Variants in RFX7 observed in about 807,000 individuals in gnomAD.
RFX7 encodes DNA-binding protein RFX7.
RFX7 carries 26 observed loss-of-function variants against 111.8 expected under a neutral mutation model. The observed-to-expected ratio is 0.23, with a 90% CI of 0.17 to 0.32. The LOEUF is 0.32. Among genes scored for constraint, RFX7 ranks in the 10% least tolerant of loss-of-function variants. The pLI is 1.00. For missense variants in RFX7, 1,573 were observed against 1,772.9 expected (o/e 0.89, Z 2.02); for synonymous variants, 624 against 624.4 (o/e 1.00, Z 0.01).
chr15:56,189,408 G>A (rs1295423778), intron 2 of RFX7, among the ~76,000 whole-genome samples: 4 of 150,922 alleles, frequency 2.7e-5, no homozygotes, highest in African/African-American at 9.7e-5. Context: ...AGACCCCATC[G>A]AAATAAGAAT....
chr15:56,178,397 T>C (rs2042927447), intron 3 of RFX7, among the ~76,000 whole-genome samples: 1 of 152,094 alleles, frequency 6.6e-6, no homozygotes, highest in Non-Finnish European at 1.5e-5. Context: ...TAAGACATCA[T>C]ACTATTTCAG....
At chr15:56,125,245 G>C (rs1207448550) in intron 5 of RFX7, among the ~76,000 whole-genome samples, 1 of 152,218 alleles carries the variant, frequency 6.6e-6, no homozygotes, top group East Asian at 1.9e-4. Context: ...TGCTGTTTTG[G>C]TTACTACAGC....
chr15:56,113,537 AGCTAATGCAT>A (rs1374761264), intron 5 of RFX7, among the ~76,000 whole-genome samples: 2 of 152,204 alleles, frequency 1.3e-5, no homozygotes, highest in Non-Finnish European at 2.9e-5. Context: ...TAGGACAAAT[AGCTAATGCAT>A]GAGGGGCTTA....
intron 2 of RFX7, among the ~76,000 whole-genome samples, chr15:56,218,956 A>G (rs2043396265): frequency 6.6e-6 from 1 of 152,214 alleles, no homozygotes; most frequent in Non-Finnish European, 1.5e-5. Flanking sequence ...AATGGAAATG[A>G]GTGAAGGAAT....
At chr15:56,166,518 A>G (rs2042783994) in intron 3 of RFX7, among the ~76,000 whole-genome samples, 1 of 152,204 alleles carries the variant, frequency 6.6e-6, no homozygotes, top group South Asian at 2.1e-4. Context: ...AATAATATGT[A>G]AAAAGTAATT....
In RFX7 at chr15:56,243,190, G is replaced by T; in HGVS notation, c.96C>A (p.Ala32=). The T allele has an allele frequency of 1.5e-6, 2 of 1,350,362 alleles. No homozygotes were observed. The highest frequency in any genetic ancestry group is 2.0e-6 in the Non-Finnish European group (2 of 1,014,192). 83.6% of individuals were successfully genotyped at this position (1,350,362 alleles called of 1,614,324 possible). A position where few individuals can be genotyped will look rare whatever the true frequency, so the allele number is the denominator to read the frequency against. Residue 32 remains alanine (A), a synonymous_variant, in exon 2 of 10, where the codon GCC becomes GCA. Transcript: ENST00000559447. ...CTGTCCCTGGCAGCCCGGGCACAAG[G>T]GCTGGCAGGGCCACCCCCGAGTTGG... is the stretch of plus-strand genomic sequence containing the variant. ...SAPNSGVALP[A]LVPGLPGTEA...
chr15:56,160,553 T>TC (rs1381422677), intron 3 of RFX7, among the ~76,000 whole-genome samples: 1 of 151,906 alleles, frequency 6.6e-6, no homozygotes, highest in Non-Finnish European at 1.5e-5. Context: ...TACTAATTTT[T>TC]CCCCCCTCAA....
intron 2 of RFX7, among the ~76,000 whole-genome samples, chr15:56,219,153 A>G (rs2043397903): frequency 6.6e-6 from 1 of 152,154 alleles, no homozygotes; most frequent in Non-Finnish European, 1.5e-5. Flanking sequence ...CTTCATATAC[A>G]TTGACACTCC....
At chr15:56,112,380 A>AAAAAAAAAAAAAAAAAAAAAAAAAAC (rs2041951482) in intron 5 of RFX7, among the ~76,000 whole-genome samples, 1 of 2,776 alleles carries the variant, frequency 3.6e-4, no homozygotes, top group Non-Finnish European at 1.6e-3. Flanking sequence ...AGTACAAATC[A>AAAAAAAAAAAAAAAAAAAAAAAAAAC]AAAAAAAAAA....
intron 2 of RFX7, among the ~76,000 whole-genome samples, chr15:56,193,533 T>A (rs2043119661): frequency 6.6e-6 from 1 of 152,228 alleles, no homozygotes; most frequent in Non-Finnish European, 1.5e-5. Context: ...ACAAAAATTT[T>A]AATTAAATAG....
At chr15:56,125,671 C>A (rs1253605442) in intron 5 of RFX7, among the ~76,000 whole-genome samples, 2 of 149,912 alleles carry the variant, frequency 1.3e-5, no homozygotes, top group Admixed American at 6.7e-5. Flanking sequence ...AATGGGATTA[C>A]TTTCTTGATT....
chr15:56,230,048 T>C (rs2043533124), intron 2 of RFX7, among the ~76,000 whole-genome samples: 1 of 152,104 alleles, frequency 6.6e-6, no homozygotes, highest in Admixed American at 6.5e-5. Flanking sequence ...TCAAACAAGT[T>C]ATCTTAGCCT....
Position 56,094,444 on chromosome 15 carries a change from C to A in RFX7, c.3284G>T (p.Arg1095Met). 1 of 1,613,922 alleles carries A rather than the reference C, an allele frequency of 6.2e-7. No individual in the cohort carries two copies. The highest frequency in any genetic ancestry group is 8.5e-7 in the Non-Finnish European group (1 of 1,179,860). Reference sequence around the variant, plus strand: ...AGGCACAGCAAAAGCATGAGGTTTCCTGAAACGGTCTTCCACTAGTTCCTG... The same window carrying A: ...AGGCACAGCAAAAGCATGAGGTTTCATGAAACGGTCTTCCACTAGTTCCTG... ...SYQELVEDRF[R>M]KPHAFAVPGQ... is the part of the protein sequence containing the mutation. Residue 1095 changes from arginine (R) to methionine (M), a missense_variant, in exon 10 of 10, where the codon AGG becomes ATG. Physicochemically the swap from Arg to Met is moderately conservative, Grantham distance 91. Around this residue, in one of 7 missense-constraint regions of RFX7, gnomAD observed 411 missense variants for 478.1 expected, o/e 0.86. Transcript: ENST00000559447.
At chr15:56,185,325 C>A (rs911604611) in intron 2 of RFX7, among the ~76,000 whole-genome samples, 5 of 152,144 alleles carry the variant, frequency 3.3e-5, no homozygotes, top group African/African-American at 1.2e-4. Context: ...ACCCAAGTCA[C>A]AGTCATATTT....
At chr15:56,226,453 A>C (rs796298888) in intron 2 of RFX7, among the ~76,000 whole-genome samples, 24 of 152,222 alleles carry the variant, frequency 1.6e-4, no homozygotes, top group African/African-American at 5.1e-4. Context: ...ACCTTTGGAA[A>C]GAGTGACAAA....
intron 5 of RFX7, among the ~76,000 whole-genome samples, chr15:56,140,052 G>T (rs1332715584): frequency 6.6e-6 from 1 of 152,096 alleles, no homozygotes; most frequent in Non-Finnish European, 1.5e-5. Context: ...GTCTGCAGAG[G>T]TTACTGCTGT....
At chr15:56,141,572 C>G (rs1262964275) in intron 5 of RFX7, among the ~76,000 whole-genome samples, 1 of 149,100 alleles carries the variant, frequency 6.7e-6, no homozygotes, top group African/African-American at 2.5e-5. Flanking sequence ...TAACCTTTTA[C>G]TGAATTCAAA....
chr15:56,231,848 A>T (rs1358177918), intron 2 of RFX7, among the ~76,000 whole-genome samples: 2 of 152,152 alleles, frequency 1.3e-5, no homozygotes, highest in Non-Finnish European at 2.9e-5. Context: ...AAATACTACC[A>T]TTCCAAATGG....
intron 2 of RFX7, among the ~76,000 whole-genome samples, chr15:56,227,312 C>T (rs751421752): frequency 2.2e-4 from 33 of 152,144 alleles, no homozygotes; most frequent in Non-Finnish European, 3.7e-4. Flanking sequence ...TTTTTATCCA[C>T]TCTGACAGTC....
Sources: allele counts gnomAD v4.1 joint callset (sites outside exome capture counted in the v4.1 genomes callset), GRCh38; gene constraint gnomAD v4.1.1; regional missense constraint gnomAD v4.1.1; transcripts MANE v1.5; gene names NCBI Gene and HGNC (gene_info 2026-07-23, HGNC 2026-07-21).